The following ZNF615 variants were observed in gnomAD, a reference collection of about 807,000 sequenced individuals.
ZNF615 encodes the protein zinc finger protein 615.
Under a neutral mutation model 15.3 loss-of-function variants are expected in ZNF615, and 15 were observed. The observed-to-expected ratio is 0.98, with a 90% CI of 0.66 to 1.51. The LOEUF is 1.51. Ranked by LOEUF, ZNF615 falls within the 40% of genes most tolerant of loss-of-function variation. The probability of loss-of-function intolerance (pLI) is 0.00; values close to 1 mark genes in which losing one functional copy is unlikely to be tolerated. For synonymous variants in ZNF615, 268 were observed against 294.6 expected, an observed-to-expected ratio of 0.91 and a Z score of 0.92; for missense variants, 848 against 895.9, an observed-to-expected ratio of 0.95 and a Z score of 0.68.
chr19:51,994,316 G>C lies in ZNF615; in HGVS notation c.793C>G (p.His265Asp). Reference protein sequence around the residue: ...KSRLMDHQRTHTELKHYECTE... With the variant: ...KSRLMDHQRTDTELKHYECTE... Reference sequence around the variant, plus strand: ...CATTCATAATGTTTCAGTTCTGTATGAGTTCTCTGATGGTCCATTAGTCTG... The same window carrying C: ...CATTCATAATGTTTCAGTTCTGTATCAGTTCTCTGATGGTCCATTAGTCTG... The change falls in exon 7 of 7, where the codon CAT becomes GAT. Residue 265 changes from histidine (H) to aspartate (D), a missense_variant. By Grantham distance (81) the His-to-Asp change is moderately conservative. Transcript: ENST00000598071. The C allele has an allele frequency of 6.2e-7, 1 of 1,614,140 alleles. No homozygotes were observed. Among genetic ancestry groups the C allele is most frequent in the Non-Finnish European group, 8.5e-7 (1 of 1,180,024 alleles).
At position 51,993,764 on chromosome 19, in the gene ZNF615, C is replaced by T. The variant is rs555292245; in HGVS notation, c.1345G>A (p.Ala449Thr). 33 of 1,599,792 alleles carry T rather than the reference C, an allele frequency of 2.1e-5. No individual in the cohort carries two copies. Among genetic ancestry groups the T allele is most frequent in the East Asian group, 4.6e-5 (2 of 43,690 alleles). ...YKCNECGKGF[A>T]LKSPLIRHQR... ...TGTCTGATGAGTGGGCTCTTCAAAG[C>T]GAAGCCCTTTCCACACTCATTGCAT... Residue 449 changes from alanine (A) to threonine (T), a missense_variant, in exon 7 of 7, where the codon GCT (alanine) becomes ACT (threonine). Coordinates refer to ENST00000598071, the MANE Select transcript of ZNF615 (RefSeq NM_001199324.2).
chr19:52,005,658 C>T (rs1448009244), intron 2 of ZNF615, among the ~76,000 whole-genome samples: 1 of 152,118 alleles, frequency 6.6e-6, no homozygotes, highest in African/African-American at 2.4e-5. Flanking sequence ...AATCAAGAGT[C>T]AGTAATATAG....
chr19:51,996,099 A>G (rs1283687867), intron 6 of ZNF615, among the ~76,000 whole-genome samples: 4 of 151,870 alleles, frequency 2.6e-5, no homozygotes, highest in Admixed American at 6.6e-5. Flanking sequence ...CAAAAATTAT[A>G]TGGTTTCAGG....
Position 52,008,136 on chromosome 19 carries a change from C to T in ZNF615, c.-228+5G>A, listed in dbSNP as rs1376356851. ...CCACAGCGACCACCCAGTGACTGAA[C>T]TTACTTCCCAGAACTTGGTGGGCTC... On this transcript the variant is annotated splice_donor_5th_base_variant and intron_variant, in intron 1 of 6. Transcript: ENST00000598071. 6.5e-7 allele frequency: 1 copy of T among 1,535,558 alleles called. No individual in the cohort carries two copies. Among genetic ancestry groups the T allele is most frequent in the East Asian group, 2.4e-5 (1 of 40,880 alleles).
chr19:51,996,912 C>T lies in ZNF615; in HGVS notation c.272-2075G>A, dbSNP rs145204321. Among the ~76,000 whole-genome samples the T allele has an allele frequency of 4.6e-5, 7 of 152,246 alleles. No homozygotes were observed. In the East Asian group the frequency reaches 7.7e-4, roughly 17 times the overall value. ...AGTGTTCTCACAAAAAAAGTAAGTA[C>T]GTGAGGTAGTATATACATTAATTTG... On this transcript the variant is annotated intron_variant, in intron 6 of 6. Coordinates refer to ENST00000598071, the MANE Select transcript of ZNF615 (RefSeq NM_001199324.2).
intron 6 of ZNF615, among the ~76,000 whole-genome samples, chr19:51,996,398 A>AC (rs1336225372): frequency 1.8e-4 from 27 of 150,046 alleles, no homozygotes; most frequent in Non-Finnish European, 3.1e-4. Flanking sequence ...AAAAAAAAAA[A>AC]AAAAAAAAAA....
chr19:52,005,762 A>G (rs886285369), intron 2 of ZNF615, among the ~76,000 whole-genome samples: 1 of 152,230 alleles, frequency 6.6e-6, no homozygotes, highest in African/African-American at 2.4e-5. Context: ...CTATTATCAC[A>G]TTACAATGGC....
intron 6 of ZNF615, among the ~76,000 whole-genome samples, chr19:51,998,495 C>G (rs1344323266): frequency 6.6e-6 from 1 of 152,202 alleles, no homozygotes; most frequent in East Asian, 1.9e-4. Context: ...TTCCTTATAG[C>G]AATTTTTACT....
In ZNF615 at chr19:52,001,831, A is replaced by G. The variant is rs79490634; in HGVS notation, c.220T>C (p.Tyr74His). ...EETCTTEDEI[Y>H]SRICSDSGGA... is the part of the protein sequence containing the mutation. ...CACTCACCAGAACAGATTCGAGAGT[A>G]GATTTCATCTTCTGTTGTGCAAGTT... is the stretch of plus-strand genomic sequence containing the variant. Residue 74 changes from tyrosine to histidine, a missense_variant, in exon 5 of 7, where the codon TAC (tyrosine) becomes CAC (histidine). Coordinates refer to ENST00000598071, the MANE Select transcript of ZNF615 (RefSeq NM_001199324.2). 5 of 1,614,150 alleles carry G rather than the reference A, an allele frequency of 3.1e-6. No individual in the cohort carries two copies. In the East Asian group the frequency reaches 1.1e-4, roughly 36 times the overall value.
intron 3 of ZNF615, among the ~76,000 whole-genome samples, chr19:52,003,442 T>G (rs1373056773): frequency 2.0e-5 from 3 of 152,184 alleles, no homozygotes; most frequent in African/African-American, 7.2e-5. Flanking sequence ...ATGTTTCTCT[T>G]GTATAGCTTG....
chr19:52,006,516 A>G (rs1790635084), intron 2 of ZNF615, among the ~76,000 whole-genome samples: 1 of 152,208 alleles, frequency 6.6e-6, no homozygotes, highest in African/African-American at 2.4e-5. Flanking sequence ...TTATCTGTAA[A>G]TCAGATGCCT....
intron 6 of ZNF615, among the ~76,000 whole-genome samples, chr19:51,997,602 A>G (rs926808360): frequency 1.1e-4 from 16 of 152,212 alleles, no homozygotes; most frequent in African/African-American, 3.9e-4. Context: ...ATCCCTACAC[A>G]TTCCAAAGAA....
intron 5 of ZNF615, among the ~76,000 whole-genome samples, chr19:52,000,907 G>A (rs1457173874): frequency 6.6e-6 from 1 of 151,702 alleles, no homozygotes; most frequent in Non-Finnish European, 1.5e-5. Flanking sequence ...GAGCCTGGGT[G>A]ACAGATGAGA....
At position 51,992,470 on chromosome 19, in the gene ZNF615, A is replaced by G. The variant is rs1237203933; in HGVS notation, c.*410T>C. 1 of 153,366 alleles carries G rather than the reference A, an allele frequency of 6.5e-6. No individual in the cohort carries two copies. The highest frequency in any genetic ancestry group is 2.6e-5 in the African/African-American group (1 of 38,192). The allele number at this position is 153,366 out of a possible 1,614,324, so 9.5% of individuals were successfully genotyped here. On this transcript the variant is annotated 3_prime_UTR_variant, in exon 7 of 7. Coordinates refer to ENST00000598071, the MANE Select transcript of ZNF615 (RefSeq NM_001199324.2). ...TTATTTCCTAGCACACGATGAGGCA[A>G]AACATTTTACTGAAAACCCTGCCAC...
At position 51,993,649 on chromosome 19, in the gene ZNF615, C is replaced by T. The variant is rs144628570; in HGVS notation, c.1460G>A (p.Arg487Gln). 162 of 1,613,772 alleles carry T rather than the reference C, an allele frequency of 1.0e-4. No individual in the cohort carries two copies. The highest frequency in any genetic ancestry group is 1.9e-4 in the African/African-American group (14 of 74,854). The change falls in exon 7 of 7, where the codon CGA (arginine) becomes CAA (glutamine). Residue 487 changes from arginine to glutamine, a missense_variant. Arg to Gln is a conservative substitution (Grantham distance 43). Coordinates refer to ENST00000598071, the MANE Select transcript of ZNF615 (RefSeq NM_001199324.2). ...TMKSDLIVHQ[R>Q]THTAEKPYIC... ...ATATGGCTTCTCTGCAGTATGAGTT[C>T]GCTGATGTACAATGAGGTCACTCTT...
chr19:51,997,084 G>A (rs2086461942), intron 6 of ZNF615, among the ~76,000 whole-genome samples: 1 of 152,154 alleles, frequency 6.6e-6, no homozygotes, highest in Non-Finnish European at 1.5e-5. Flanking sequence ...TTGGTAGGGT[G>A]AGGCAAAGAG....
chr19:52,005,164 C>A (rs2086714216), intron 2 of ZNF615, among the ~76,000 whole-genome samples: 1 of 152,132 alleles, frequency 6.6e-6, no homozygotes, highest in Non-Finnish European at 1.5e-5. Context: ...GAGGCTGAGG[C>A]AGGAGAATTG....
intron 6 of ZNF615, 89 bp from the exon 7 acceptor site, chr19:51,994,926 G>C (rs1416692994): frequency 8.0e-7 from 1 of 1,255,522 alleles, no homozygotes; most frequent in East Asian, 2.6e-5. Context: ...TTGGTGTGAG[G>C]TGACTCTTTA....
intron 3 of ZNF615, 167 bp from the exon 4 acceptor site, chr19:52,002,448 C>A (rs772704344): frequency 2.1e-6 from 2 of 953,856 alleles, no homozygotes; most frequent in Admixed American, 3.9e-5. Context: ...TGTAACTGTG[C>A]GGTCATCCAT....
Sources: gnomAD v4.1 joint callset for allele counts (sites outside exome capture counted in the v4.1 genomes callset) on GRCh38, gnomAD v4.1.1 for gene constraint, MANE v1.5 for transcripts, NCBI Gene and HGNC (gene_info 2026-07-23, HGNC 2026-07-21) for gene names.